Variants in AHCYL2 observed in about 807,000 individuals in gnomAD.
AHCYL2 encodes the protein adenosylhomocysteinase like 2, also known as S-adenosylhomocysteine hydrolase-like protein 2.
Under a neutral mutation model 81.4 loss-of-function variants are expected in AHCYL2, and 28 were observed. The observed-to-expected ratio is 0.34, with a 90% confidence interval of 0.25 to 0.47. AHCYL2 has a LOEUF of 0.47. Ranked by LOEUF, AHCYL2 falls within the 20% of genes least tolerant of loss-of-function variation. AHCYL2 has a pLI of 1.00. For synonymous variants in AHCYL2, 272 were observed against 290.2 expected (o/e 0.94, Z 0.64); for missense variants, 551 against 785.1 (o/e 0.70, Z 3.56).
intron 1 of AHCYL2, among the ~76,000 whole-genome samples, chr7:129,365,213 T>TACCA (rs1794063662): frequency 6.6e-6 from 1 of 152,122 alleles, no homozygotes; most frequent in Admixed American, 6.6e-5. Context: ...AGATTCCTTT[T>TACCA]TTAAGGTCAG....
intron 1 of AHCYL2, among the ~76,000 whole-genome samples, chr7:129,344,998 T>TA (rs756710873): frequency 3.2e-4 from 48 of 151,952 alleles, no homozygotes; most frequent in African/African-American, 9.7e-4. Context: ...CTACTAAAAA[T>TA]ACGAAAATTA....
At chr7:129,360,316 A>T (rs1309130224) in intron 1 of AHCYL2, among the ~76,000 whole-genome samples, 1 of 151,912 alleles carries the variant, frequency 6.6e-6, no homozygotes, top group Non-Finnish European at 1.5e-5. Flanking sequence ...GAGTTTCTTC[A>T]TTTTGGTCAG....
intron 1 of AHCYL2, among the ~76,000 whole-genome samples, chr7:129,234,443 C>T (rs1489083785): frequency 6.6e-6 from 1 of 152,118 alleles, no homozygotes; most frequent in Non-Finnish European, 1.5e-5. Context: ...CGGGGTTTCA[C>T]CAGGTTGGCC....
Position 129,428,336 on chromosome 7 carries a change from A to G in AHCYL2, c.*1291A>G, listed in dbSNP as rs576989935. 6.6e-5 allele frequency: 10 copies of G among 152,198 alleles called. No homozygotes were observed. The East Asian group carries it at 1.9e-3, about 29-fold the overall frequency. 9.4% of individuals were successfully genotyped at this position (152,198 alleles called of 1,614,324 possible). On this transcript the variant is annotated 3_prime_UTR_variant, in exon 17 of 17. Coordinates refer to ENST00000325006, the MANE Select transcript of AHCYL2 (RefSeq NM_015328.4). ...CAGTTTCTTGAGTAACTCCAGTGCT[A>G]CAAAAAGAATTAGTAATGTGGTGTG... is the stretch of plus-strand genomic sequence containing the variant.
chr7:129,395,937 A>G (rs1795715224), intron 4 of AHCYL2, among the ~76,000 whole-genome samples: 1 of 152,154 alleles, frequency 6.6e-6, no homozygotes, highest in Non-Finnish European at 1.5e-5. Context: ...CCCCCCATGC[A>G]CTGCCAAAGG....
chr7:129,238,663 C>A (rs1426728039), intron 1 of AHCYL2, among the ~76,000 whole-genome samples: 1 of 152,126 alleles, frequency 6.6e-6, no homozygotes, highest in Non-Finnish European at 1.5e-5. Context: ...TGTGTCAGAA[C>A]CTCTGTGGCC....
rs1205549113 is a variant in AHCYL2, at chr7:129,422,849, C to A, written c.1471C>A (p.Arg491=). 3 of 1,613,682 alleles carry A rather than the reference C, an allele frequency of 1.9e-6. No individual in the cohort carries two copies. Among genetic ancestry groups the A allele is most frequent in the African/African-American group, 1.3e-5 (1 of 74,900 alleles). The part of the protein sequence containing the change: ...SNTEIDVASL[R]TPELTWERVR... Reference sequence around the variant, plus strand: ...GCTGTATGTGTTCCAGGCGAGTCTGCGGACACCAGAACTGACCTGGGAGCG... The same window carrying A: ...GCTGTATGTGTTCCAGGCGAGTCTGAGGACACCAGAACTGACCTGGGAGCG... The change falls in exon 13 of 17, where the codon CGG becomes AGG. Residue 491 remains arginine (R), a synonymous_variant. Coordinates refer to ENST00000325006, the MANE Select transcript of AHCYL2 (RefSeq NM_015328.4).
At chr7:129,336,113 G>A (rs1584796224) in intron 1 of AHCYL2, among the ~76,000 whole-genome samples, 1 of 126,404 alleles carries the variant, frequency 7.9e-6, no homozygotes, top group Non-Finnish European at 1.6e-5. Flanking sequence ...CTGTCACCCA[G>A]GCTGGAGTGC....
chr7:129,375,832 T>C (rs1347275599), intron 1 of AHCYL2: 2 of 1,535,368 alleles, frequency 1.3e-6, no homozygotes, highest in Non-Finnish European at 1.7e-6. Context: ...CAAGGGTCCC[T>C]GGACCACAGA....
chr7:129,281,159 G>A (rs1271979255), intron 1 of AHCYL2, among the ~76,000 whole-genome samples: 5 of 151,978 alleles, frequency 3.3e-5, no homozygotes, highest in Admixed American at 1.3e-4. Context: ...CACCACACCC[G>A]GCCCATTGAT....
chr7:129,423,817 T>G (rs1487552529), intron 13 of AHCYL2, among the ~76,000 whole-genome samples: 1 of 152,220 alleles, frequency 6.6e-6, no homozygotes, highest in Non-Finnish European at 1.5e-5. Context: ...TTATCTCATC[T>G]TCTCAGATAC....
chr7:129,302,729 G>T (rs1181987064), intron 1 of AHCYL2, among the ~76,000 whole-genome samples: 1 of 152,100 alleles, frequency 6.6e-6, no homozygotes, highest in African/African-American at 2.4e-5. Context: ...CATGATGAAT[G>T]ATCTTTTTAA....
intron 1 of AHCYL2, among the ~76,000 whole-genome samples, chr7:129,273,082 G>A (rs1242988517): frequency 6.6e-6 from 1 of 151,322 alleles, no homozygotes; most frequent in South Asian, 2.1e-4. Context: ...TTGTATTTTT[G>A]GTAGAGACAG....
chr7:129,346,936 A>G (rs949363856), intron 1 of AHCYL2, among the ~76,000 whole-genome samples: 1 of 152,190 alleles, frequency 6.6e-6, no homozygotes. Context: ...CATCCAGACA[A>G]TGGAATATTA....
chr7:129,407,247 G>A (rs1000041003), intron 10 of AHCYL2, among the ~76,000 whole-genome samples: 5 of 152,152 alleles, frequency 3.3e-5, no homozygotes, highest in African/African-American at 1.2e-4. Context: ...AGCTACTTGG[G>A]AGGCTGAAGT....
chr7:129,302,427 G>A (rs542918759), intron 1 of AHCYL2, among the ~76,000 whole-genome samples: 2 of 152,232 alleles, frequency 1.3e-5, no homozygotes, highest in African/African-American at 2.4e-5. Context: ...AGTGGGCATT[G>A]TTGTCATGTT....
chr7:129,324,050 T>TGTAGATTTC (rs1232662609), intron 1 of AHCYL2, among the ~76,000 whole-genome samples: 2 of 35,170 alleles, frequency 5.7e-5, no homozygotes, highest in Non-Finnish European at 1.3e-4. Context: ...TTTGTATTTT[T>TGTAGATTTC]GTAGATTTCG....
Position 129,225,152 on chromosome 7 carries a change from G to A in AHCYL2, c.76G>A (p.Glu26Lys). The A allele has an allele frequency of 1.2e-6, 2 of 1,600,064 alleles. No homozygotes were observed. The highest frequency in any genetic ancestry group is 1.7e-6 in the Non-Finnish European group (2 of 1,175,134). ...GGAGCTGAAGGACCTGAGCCCCTCCGAGGCGGAGTCGCAACTAGGACTGAG... is the reference window on the plus strand; with the variant it reads ...GGAGCTGAAGGACCTGAGCCCCTCCAAGGCGGAGTCGCAACTAGGACTGAG... ...EVELKDLSPSEAESQLGLSTA... is the reference protein window; with the variant it reads ...EVELKDLSPSKAESQLGLSTA... The change falls in exon 1 of 17, where the codon GAG (glutamate) becomes AAG (lysine). Residue 26 changes from glutamate to lysine, a missense_variant. Physicochemically the swap from Glu to Lys is moderately conservative, Grantham distance 56. This residue lies in a region of AHCYL2 where 235 missense variants were observed against 242.1 expected (regional missense o/e 0.97). Transcript: ENST00000325006.
In AHCYL2 at chr7:129,400,404, A is replaced by C. The variant is rs906495532; in HGVS notation, c.918+20A>C. 8 of 1,610,444 alleles carry C rather than the reference A, an allele frequency of 5.0e-6. No individual in the cohort carries two copies. The African/African-American group carries it at 9.4e-5, about 19-fold the overall frequency. On this transcript the variant is annotated intron_variant, in intron 6 of 16. Coordinates refer to ENST00000325006, the MANE Select transcript of AHCYL2 (RefSeq NM_015328.4). ...AACATGGTGGGTCAGATTTCTGCTA[A>C]CACAATTCTGTAGGGGTCAGGAATG...
Sources: allele counts gnomAD v4.1 joint callset (sites outside exome capture counted in the v4.1 genomes callset), GRCh38; gene constraint gnomAD v4.1.1; regional missense constraint gnomAD v4.1.1; transcripts MANE v1.5; gene names NCBI Gene and HGNC (gene_info 2026-07-23, HGNC 2026-07-21).